IRF1: variants seen among roughly 807,000 people sequenced by gnomAD.
IRF1 encodes the protein interferon regulatory factor-1.
IRF1 carries 13 observed loss-of-function variants against 43.7 expected under a neutral mutation model. The observed-to-expected ratio is 0.30, with a 90% CI of 0.19 to 0.47. The LOEUF (loss-of-function observed/expected upper bound fraction) is 0.47. Ranked by LOEUF, IRF1 falls within the 20% of genes least tolerant of loss-of-function variation. IRF1 has a pLI of 0.99. For synonymous variants in IRF1, 138 were observed against 146.8 expected, an observed-to-expected ratio of 0.94 and a Z score of 0.43; for missense variants, 236 against 408.9, an observed-to-expected ratio of 0.58 and a Z score of 3.65.
intron 9 of IRF1, 64 bp from the exon 10 acceptor site, chr5:132,484,139 A>AC: frequency 6.3e-7 from 1 of 1,589,742 alleles, no homozygotes; most frequent in Non-Finnish European, 8.6e-7. Flanking sequence ...GCTTCCCCCT[A>AC]CCCCTGAAGG....
In IRF1 at chr5:132,482,571, C is replaced by A. The variant is rs1484770172; in HGVS notation, c.*1380G>T. 1 of 150,890 alleles carries A rather than the reference C, an allele frequency of 6.6e-6. No individual in the cohort carries two copies. Among genetic ancestry groups the A allele is most frequent in the African/African-American group, 2.4e-5 (1 of 41,022 alleles). The allele number at this position is 150,890 out of a possible 1,614,324, so 9.3% of individuals were successfully genotyped here. Reference sequence around the variant, plus strand: ...GTTTCACCATGTTGGCCAGGCTGGTCTCAAACTCCTGACCTCAGGTGATCT... The same window carrying A: ...GTTTCACCATGTTGGCCAGGCTGGTATCAAACTCCTGACCTCAGGTGATCT... On this transcript the variant is annotated 3_prime_UTR_variant, in exon 10 of 10. Transcript: ENST00000245414.
chr5:132,483,788 C>A lies in IRF1; in HGVS notation c.*163G>T. 1 of 805,166 alleles carries A rather than the reference C, an allele frequency of 1.2e-6. No individual in the cohort carries two copies. Among genetic ancestry groups the A allele is most frequent in the Non-Finnish European group, 1.9e-6 (1 of 518,614 alleles). 49.9% of individuals were successfully genotyped at this position (805,166 alleles called of 1,614,324 possible). A position where few individuals can be genotyped will look rare whatever the true frequency, so the allele number is the denominator to read the frequency against. The stretch of plus-strand genomic sequence containing the variant: ...AAACCCAGACACTGGCCTGCCAGGC[C>A]CTGAGAGGTCAATGACCCAAGGAGG... On this transcript the variant is annotated 3_prime_UTR_variant, in exon 10 of 10. Transcript: ENST00000245414.
chr5:132,483,377 A>G lies in IRF1; in HGVS notation c.*574T>C, dbSNP rs562381012. The G allele has an allele frequency of 6.5e-6, 1 of 152,962 alleles. No individual in the cohort carries two copies. Among genetic ancestry groups the G allele is most frequent in the Admixed American group, 6.5e-5 (1 of 15,310 alleles). The allele number at this position is 152,962 out of a possible 1,614,324, so 9.5% of individuals were successfully genotyped here. A position where few individuals can be genotyped will look rare whatever the true frequency, so the allele number is the denominator to read the frequency against. ...CGAAAAAGTGCCAAGTTTTTTTCCC[A>G]AGCCCCTCAGCCAAAGCAGGGAGCA... On this transcript the variant is annotated 3_prime_UTR_variant, in exon 10 of 10. Coordinates refer to ENST00000245414, the MANE Select transcript of IRF1 (RefSeq NM_002198.3).
intron 7 of IRF1, 24 bp from the exon 8 acceptor site, chr5:132,485,740 G>T (rs776245057): frequency 1.2e-6 from 2 of 1,604,960 alleles, no homozygotes; most frequent in African/African-American, 1.3e-5. Context: ...AAGCAGAGAG[G>T]TTGGCTGGCA....
intron 1 of IRF1, chr5:132,489,741 C>T (rs2126843453): frequency 2.5e-6 from 1 of 399,738 alleles, no homozygotes; most frequent in South Asian, 4.1e-5. Flanking sequence ...CAAGTGATGG[C>T]TTCAGGATTC....
At chr5:132,487,663 T>A in intron 3 of IRF1, 1 of 512,338 alleles carries the variant, frequency 2.0e-6, no homozygotes, top group South Asian at 2.2e-5. Context: ...TCACAGATGC[T>A]TTTGCCAGGG....
chr5:132,489,115 G>C (rs1026147933), intron 2 of IRF1: 7 of 388,476 alleles, frequency 1.8e-5, no homozygotes, highest in Non-Finnish European at 3.0e-5. Flanking sequence ...GCTTAGAGGA[G>C]AGCAGAACTC....
chr5:132,486,382 C>G lies in IRF1; in HGVS notation c.545-9G>C. 6.2e-7 allele frequency: 1 copy of G among 1,610,874 alleles called. No individual in the cohort carries two copies. Among genetic ancestry groups the G allele is most frequent in the Non-Finnish European group, 8.5e-7 (1 of 1,180,004 alleles). On this transcript the variant is annotated splice_polypyrimidine_tract_variant and intron_variant, in intron 6 of 9. Transcript: ENST00000245414. Reference sequence around the variant, plus strand: ...AGCACATGGCGACAGTGCTGGGGAACAGCAGAAGCCACAGGTCAAGGTTGT... The same window carrying G: ...AGCACATGGCGACAGTGCTGGGGAAGAGCAGAAGCCACAGGTCAAGGTTGT...
chr5:132,488,166 T>TGGAC, intron 2 of IRF1, 141 bp from the exon 3 acceptor site: 1 of 632,076 alleles, frequency 1.6e-6, no homozygotes, highest in South Asian at 1.8e-5. Flanking sequence ...ACATCTGGCT[T>TGGAC]GGACACCCAT....
intron 7 of IRF1, 49 bp downstream of exon 7, chr5:132,486,202 A>G (rs777761849): frequency 1.2e-6 from 2 of 1,604,822 alleles, no homozygotes; most frequent in Admixed American, 1.7e-5. Flanking sequence ...GAAGCCCTTC[A>G]CAGGACCCAG....
chr5:132,485,189 G>A (rs1303658506), intron 8 of IRF1: 1 of 160,796 alleles, frequency 6.2e-6, no homozygotes, highest in Admixed American at 6.0e-5. Context: ...TGGGATTACA[G>A]GCATGAGCCA....
At position 132,486,857 on chromosome 5, in the gene IRF1, C is replaced by T. The variant is rs776480168; in HGVS notation, c.365-13G>A. 1.4e-5 allele frequency: 22 copies of T among 1,614,074 alleles called. No individual in the cohort carries two copies. Among genetic ancestry groups the T allele is most frequent in the East Asian group, 1.1e-4 (5 of 44,890 alleles). ...TTCGACTTTCTTTCTGTGGGGCAGA[C>T]GGGCTGTCAGCCTTGGTGCAGGCTC... On this transcript the variant is annotated splice_polypyrimidine_tract_variant and intron_variant, in intron 4 of 9. Transcript: ENST00000245414.
intron 8 of IRF1, 51 bp from the exon 9 acceptor site, chr5:132,484,548 C>G: frequency 6.2e-7 from 1 of 1,608,672 alleles, no homozygotes; most frequent in Non-Finnish European, 8.5e-7. Context: ...TGCAGACTCA[C>G]CCTGTGGCCC....
Position 132,482,658 on chromosome 5 carries a change from G to C in IRF1, c.*1293C>G, listed in dbSNP as rs1401717194. ...CATAAGCCACCATGCCCGGCCAAAT[G>C]AAAGGTTTTTTTTTTTTTTTTTTTT... On this transcript the variant is annotated 3_prime_UTR_variant, in exon 10 of 10. Transcript: ENST00000245414. The C allele has an allele frequency of 2.4e-5, 3 of 123,274 alleles. No homozygotes were observed. The highest frequency in any genetic ancestry group is 9.0e-5 in the African/African-American group (3 of 33,182). The allele number at this position is 123,274 out of a possible 1,614,324, so 7.6% of individuals were successfully genotyped here.
chr5:132,485,904 T>C, intron 7 of IRF1, 188 bp from the exon 8 acceptor site: 1 of 613,294 alleles, frequency 1.6e-6, no homozygotes, highest in Non-Finnish European at 2.9e-6. Context: ...CCTGGCCTGG[T>C]GACTCAGCCT....
intron 2 of IRF1, 143 bp from the exon 3 acceptor site, chr5:132,488,168 G>A (rs1007737538): frequency 2.6e-5 from 16 of 625,676 alleles, no homozygotes; most frequent in Non-Finnish European, 3.7e-5. Context: ...ATCTGGCTTG[G>A]ACACCCATCT....
At chr5:132,485,582 T>A in intron 8 of IRF1, 85 bp downstream of exon 8, 1 of 1,026,488 alleles carries the variant, frequency 9.7e-7, no homozygotes, top group South Asian at 1.3e-5. Context: ...CAGCTACCCA[T>A]CCTCTGATTT....
intron 7 of IRF1, 133 bp from the exon 8 acceptor site, chr5:132,485,849 A>ACAC (rs111906639): frequency 9.0e-4 from 603 of 669,106 alleles, no homozygotes; most frequent in African/African-American, 1.1e-3. Flanking sequence ...ACACACACAC[A>ACAC]CCCTCCCGGT....
chr5:132,484,103 G>A, intron 9 of IRF1, 28 bp from the exon 10 acceptor site: 4 of 1,611,642 alleles, frequency 2.5e-6, no homozygotes, highest in Admixed American at 1.7e-5. Flanking sequence ...GGTTGTATGA[G>A]GGTAGGGGAC....
Sources: allele counts gnomAD v4.1 joint callset, GRCh38; gene constraint gnomAD v4.1.1; transcripts MANE v1.5; gene names NCBI Gene and HGNC (gene_info 2026-07-23, HGNC 2026-07-21).